The following MYH13 variants were observed in gnomAD, a reference collection of about 807,000 sequenced individuals.
MYH13 encodes myosin-13.
In MYH13, 177 loss-of-function variants were observed where a neutral mutation model predicts 232.1. That is an observed-to-expected ratio of 0.76 (90% CI 0.67 to 0.86). The LOEUF (loss-of-function observed/expected upper bound fraction) is 0.86, where lower values mean the gene tolerates loss of function less well. Ranked by LOEUF, MYH13 falls within the 40% of genes least tolerant of loss-of-function variation. MYH13 has a pLI of 0.00. For missense variants in MYH13, 2,246 were observed against 2,405.9 expected, an observed-to-expected ratio of 0.93 and a Z score of 1.39; for synonymous variants, 884 against 923.5, an observed-to-expected ratio of 0.96 and a Z score of 0.78.
Position 10,320,256 on chromosome 17 carries a change from T to A in MYH13, c.3258-13A>T. On this transcript the variant is annotated splice_polypyrimidine_tract_variant and intron_variant, in intron 25 of 40. Transcript: ENST00000252172. ...TTCAAACTCCTTCCTGCAAATAGAT[T>A]AAAAAAAAATAAAGAACATGAAATA... is the stretch of plus-strand genomic sequence containing the variant. 1.3e-6 allele frequency: 2 copies of A among 1,584,682 alleles called. No homozygotes were observed. The highest frequency in any genetic ancestry group is 1.7e-6 in the Non-Finnish European group (2 of 1,163,234).
At chr17:10,334,165 C>T (rs1371085487) in intron 18 of MYH13, among the ~76,000 whole-genome samples, 1 of 152,122 alleles carries the variant, frequency 6.6e-6, no homozygotes, top group Non-Finnish European at 1.5e-5. Context: ...GGTTAGAGGA[C>T]AGGGGCTACG....
chr17:10,335,171 C>T (rs1247669510), intron 18 of MYH13, among the ~76,000 whole-genome samples: 7 of 152,184 alleles, frequency 4.6e-5, no homozygotes, highest in South Asian at 2.1e-4. Context: ...GAGAATTCCA[C>T]GACTGACCTC....
intron 5 of MYH13, among the ~76,000 whole-genome samples, 168 bp from the exon 6 acceptor site, chr17:10,360,356 A>T (rs377022223): frequency 5.3e-5 from 8 of 152,334 alleles, no homozygotes; most frequent in African/African-American, 1.7e-4. Context: ...ATTTAGGCAG[A>T]TTTCTCAAAT....
At position 10,330,423 on chromosome 17, in the gene MYH13, A is replaced by C. The variant is rs1246683080; in HGVS notation, c.2399T>G (p.Leu800Arg). The C allele has an allele frequency of 6.2e-7, 1 of 1,613,510 alleles. No homozygotes were observed. Among genetic ancestry groups the C allele is most frequent in the East Asian group, 2.2e-5 (1 of 44,878 alleles). Residue 800 changes from leucine (L) to arginine (R), a missense_variant, in exon 21 of 41, where the codon CTG becomes CGG. Transcript: ENST00000252172. ...TSTQAVCRGY[L>R]MRVEFKKMME... is the part of the protein sequence containing the mutation. ...CATCTTCTTGAACTCCACCCGCATC[A>C]GGTACCCCCTGCACACCGCCTGCGT...
intron 21 of MYH13, 35 bp downstream of exon 21, chr17:10,330,352 G>A (rs753623266): frequency 2.5e-5 from 40 of 1,611,584 alleles, no homozygotes; most frequent in Non-Finnish European, 3.3e-5. Context: ...TAAGCAGAGA[G>A]GGCAGGATAA....
In MYH13 at chr17:10,346,694, G is replaced by T. The variant is rs367907424; in HGVS notation, c.1249C>A (p.Gln417Lys). Residue 417 changes from glutamine (Q) to lysine (K), a missense_variant, in exon 13 of 41, where the codon CAA becomes AAA. Transcript: ENST00000252172. Reference sequence around the variant, plus strand: ...ATCTCCATTACCTGCTGGACATTTTGCCCTTTAGTGACATATTCATTGCCA... The same window carrying T: ...ATCTCCATTACCTGCTGGACATTTTTCCCTTTAGTGACATATTCATTGCCA... ...KVGNEYVTKG[Q>K]NVQQVTNSVG... 15 of 1,612,090 alleles carry T rather than the reference G, an allele frequency of 9.3e-6. No homozygotes were observed. Among genetic ancestry groups the T allele is most frequent in the Admixed American group, 5.0e-5 (3 of 59,958 alleles).
chr17:10,330,076 G>A (rs546464032), intron 21 of MYH13, among the ~76,000 whole-genome samples: 1 of 151,866 alleles, frequency 6.6e-6, no homozygotes, highest in Admixed American at 6.6e-5. Flanking sequence ...CCCTAATCAG[G>A]CTGGGGGCTT....
intron 18 of MYH13, among the ~76,000 whole-genome samples, 174 bp from the exon 19 acceptor site, chr17:10,333,365 G>A (rs953077503): frequency 2.0e-5 from 3 of 152,182 alleles, no homozygotes; most frequent in African/African-American, 7.2e-5. Context: ...CTGCCTGCAG[G>A]TCCCGCAGTG....
intron 12 of MYH13, among the ~76,000 whole-genome samples, chr17:10,348,499 G>A (rs1326296910): frequency 6.6e-6 from 1 of 152,220 alleles, no homozygotes; most frequent in Non-Finnish European, 1.5e-5. Context: ...TGAGCACCCA[G>A]CAAATATTAG....
At chr17:10,331,190 C>T (rs563385861) in intron 20 of MYH13, among the ~76,000 whole-genome samples, 4 of 152,158 alleles carry the variant, frequency 2.6e-5, no homozygotes, top group South Asian at 4.2e-4. Flanking sequence ...TTCACAGATG[C>T]GTTGGCTTCA....
At position 10,343,925 on chromosome 17, in the gene MYH13, T is replaced by C. The variant is rs1202557169; in HGVS notation, c.1769A>G (p.Tyr590Cys). ...SLVHYAGTVD[Y>C]NIAGWLDKNK... is the part of the protein sequence containing the mutation. ...TTTGTCCAGCCAGCCGGCGATGTTG[T>C]AGTCCACGGTGCCGGCATAGTGCAC... Residue 590 changes from tyrosine (Y) to cysteine (C), a missense_variant, in exon 16 of 41, where the codon TAC becomes TGC. By Grantham distance (194) the Tyr-to-Cys change is radical (BLOSUM62 -2). Transcript: ENST00000252172. 2 of 1,614,244 alleles carry C rather than the reference T, an allele frequency of 1.2e-6. No homozygotes were observed. Among genetic ancestry groups the C allele is most frequent in the South Asian group, 1.1e-5 (1 of 91,080 alleles).
chr17:10,323,774 AAAAAAAAAAAAAAAAG>A (rs1907068601), intron 23 of MYH13, among the ~76,000 whole-genome samples: 2 of 85,780 alleles, frequency 2.3e-5, no homozygotes, highest in African/African-American at 4.0e-5. Context: ...CAAAAAAAAA[AAAAAAAAAAAAAAAAG>A]AAGAAGAAGA....
Position 10,360,158 on chromosome 17 carries a change from C to T in MYH13, c.533+3G>A, listed in dbSNP as rs769341440. 8.7e-6 allele frequency: 14 copies of T among 1,613,850 alleles called. No homozygotes were observed. The East Asian group carries it at 2.9e-4, about 33-fold the overall frequency. On this transcript the variant is annotated splice_donor_region_variant and intron_variant, in intron 6 of 40. Coordinates refer to ENST00000252172, the MANE Select transcript of MYH13 (RefSeq NM_003802.3). ...CATGATGGTACAAAGAGGTGTTACTCACGTGATGAGGATAGACTGGTTGTC... is the reference window on the plus strand; with the variant it reads ...CATGATGGTACAAAGAGGTGTTACTTACGTGATGAGGATAGACTGGTTGTC...
chr17:10,310,972 G>A, intron 33 of MYH13, 131 bp downstream of exon 33: 1 of 1,135,660 alleles, frequency 8.8e-7, no homozygotes, highest in Non-Finnish European at 1.3e-6. Context: ...CAGCCCCTGG[G>A]ATGGCTGAAT....
At chr17:10,366,646 G>A (rs1597391301) in intron 2 of MYH13, among the ~76,000 whole-genome samples, 1 of 152,088 alleles carries the variant, frequency 6.6e-6, no homozygotes, top group African/African-American at 2.4e-5. Flanking sequence ...CTCCCAAAGT[G>A]CTGGGATTAC....
chr17:10,320,680 A>G (rs537888146), intron 24 of MYH13, among the ~76,000 whole-genome samples, 184 bp from the exon 25 acceptor site: 1 of 152,330 alleles, frequency 6.6e-6, no homozygotes, highest in South Asian at 2.1e-4. Context: ...TCTTCCAGAA[A>G]AGACTACCCA....
chr17:10,337,787 G>T (rs962084943), intron 18 of MYH13, among the ~76,000 whole-genome samples: 4 of 152,230 alleles, frequency 2.6e-5, no homozygotes. Context: ...GGGCGCGGTG[G>T]CTCACGCCTG....
chr17:10,308,443 CTTT>C (rs57432823), intron 35 of MYH13, among the ~76,000 whole-genome samples: 472 of 113,086 alleles, frequency 4.2e-3, no homozygotes, highest in African/African-American at 0.015. Context: ...TTAATTAAAA[CTTT>C]TTTTTTTTTT....
Position 10,318,790 on chromosome 17 carries a change from C to A in MYH13, c.3738G>T (p.Lys1246Asn). 1.2e-6 allele frequency: 2 copies of A among 1,613,966 alleles called. No homozygotes were observed. Among genetic ancestry groups the A allele is most frequent in the East Asian group, 4.5e-5 (2 of 44,874 alleles). Reference sequence around the variant, plus strand: ...AAGAGCAGAAGGGCCAGTCAGGTACCTTTGACTTGGAGAGAGCCTCGATGT... The same window carrying A: ...AAGAGCAGAAGGGCCAGTCAGGTACATTTGACTTGGAGAGAGCCTCGATGT... ...ASNIEALSKS[K>N]SNIERTCRTV... The change falls in exon 27 of 41, where the codon AAG becomes AAT. Residue 1246 changes from lysine to asparagine, a missense_variant and splice_region_variant. Coordinates refer to ENST00000252172, the MANE Select transcript of MYH13 (RefSeq NM_003802.3).
Sources: allele counts gnomAD v4.1 joint callset (sites outside exome capture counted in the v4.1 genomes callset), GRCh38; gene constraint gnomAD v4.1.1; transcripts MANE v1.5; gene names NCBI Gene and HGNC (gene_info 2026-07-23, HGNC 2026-07-21).